XIRP2: variants seen among roughly 807,000 people sequenced by gnomAD.
XIRP2 encodes xin actin binding repeat containing 2.
Under a neutral mutation model 277.0 loss-of-function variants are expected in XIRP2, and 236 were observed. The observed-to-expected ratio is 0.85, with a 90% CI of 0.77 to 0.95. The LOEUF (loss-of-function observed/expected upper bound fraction) is 0.95. XIRP2 is among the 40% of genes least tolerant of loss of function. XIRP2 has a pLI of 0.00. For synonymous variants in XIRP2, 1,490 were observed against 1,416.5 expected, an observed-to-expected ratio of 1.05 and a Z score of -1.17; for missense variants, 4,640 against 4,157.5, an observed-to-expected ratio of 1.12 and a Z score of -3.19.
chr2:167,163,961 A>C (rs1175880002), intron 3 of XIRP2, among the ~76,000 whole-genome samples: 1 of 152,140 alleles, frequency 6.6e-6, no homozygotes, highest in African/African-American at 2.4e-5. Flanking sequence ...AACATAATAC[A>C]TTGTATTCTG....
intron 1 of XIRP2, among the ~76,000 whole-genome samples, chr2:166,891,616 C>T (rs1354855557): frequency 6.6e-6 from 1 of 152,070 alleles, no homozygotes; most frequent in Non-Finnish European, 1.5e-5. Context: ...AAATTTCCCT[C>T]CCAGAAAAGA....
At chr2:167,199,585 A>C (rs1419553075) in intron 3 of XIRP2, among the ~76,000 whole-genome samples, 2 of 152,172 alleles carry the variant, frequency 1.3e-5, no homozygotes, top group African/African-American at 2.4e-5. Context: ...ACCCAGAATT[A>C]AATCACTTTC....
At chr2:167,139,071 A>AGT (rs1558993714) in intron 3 of XIRP2, among the ~76,000 whole-genome samples, 1 of 150,540 alleles carries the variant, frequency 6.6e-6, no homozygotes. Flanking sequence ...TGTCTCAAAA[A>AGT]ATATATATAT....
Position 166,903,774 on chromosome 2 carries a change from G to T in XIRP2, c.292G>T (p.Glu98Ter), listed in dbSNP as rs1243395848. ...ATATGGTCGGCCAGAAGTGCTGAAG[G>T]AGGATTCCCTGAGCAGTCGGCGCAG... ...REYGRPEVLKEDSLSSRRRIE... is the reference protein window; with the variant it reads ...REYGRPEVLK Residue 98 changes from glutamate (E) to a stop codon, truncating the protein, a stop_gained, in exon 2 of 11, where the codon GAG becomes TAG. Coordinates refer to ENST00000409195, the MANE Select transcript of XIRP2 (RefSeq NM_152381.6). LOFTEE classifies it high-confidence loss of function. The T allele has an allele frequency of 6.2e-7, 1 of 1,613,710 alleles. No homozygotes were observed. Among genetic ancestry groups the T allele is most frequent in the South Asian group, 1.1e-5 (1 of 91,082 alleles).
At chr2:166,914,981 A>G (rs189687651) in intron 2 of XIRP2, among the ~76,000 whole-genome samples, 8 of 152,170 alleles carry the variant, frequency 5.3e-5, no homozygotes, top group African/African-American at 1.7e-4. Flanking sequence ...GAAGAAGTTT[A>G]TTTGTTTGTT....
At chr2:167,042,331 A>T (rs1688678500) in intron 2 of XIRP2, among the ~76,000 whole-genome samples, 1 of 152,206 alleles carries the variant, frequency 6.6e-6, no homozygotes, top group Non-Finnish European at 1.5e-5. Flanking sequence ...TCAAATCCTC[A>T]CATACTGACA....
chr2:166,942,956 C>T (rs891064052), intron 2 of XIRP2, among the ~76,000 whole-genome samples: 1 of 151,976 alleles, frequency 6.6e-6, no homozygotes, highest in African/African-American at 2.4e-5. Flanking sequence ...TCAAAATATA[C>T]ATGAATCATC....
rs768960885 is a variant in XIRP2, at chr2:167,245,180, C to T, written c.3788C>T (p.Thr1263Met). 3.7e-5 allele frequency: 59 copies of T among 1,613,110 alleles called. No individual in the cohort carries two copies. Among genetic ancestry groups the T allele is most frequent in the Middle Eastern group, 1.7e-4 (1 of 6,058 alleles). Reference protein sequence around the residue: ...ESQEGDECVKTVTDIQGGDVR... With the variant: ...ESQEGDECVKMVTDIQGGDVR... ...CAAGAAGGTGATGAATGTGTTAAGACGGTGACAGACATACAAGGTGGGGAT... is the reference window on the plus strand; with the variant it reads ...CAAGAAGGTGATGAATGTGTTAAGATGGTGACAGACATACAAGGTGGGGAT... Residue 1263 changes from threonine (T) to methionine (M), a missense_variant, in exon 9 of 11, where the codon ACG becomes ATG. Thr to Met is a moderately conservative substitution (Grantham distance 81). Transcript: ENST00000409195.
chr2:166,921,486 A>G (rs1199901516), intron 2 of XIRP2, among the ~76,000 whole-genome samples: 2 of 152,154 alleles, frequency 1.3e-5, no homozygotes, highest in Non-Finnish European at 2.9e-5. Context: ...CCTAGTTTAC[A>G]TACATCGCTC....
intron 2 of XIRP2, among the ~76,000 whole-genome samples, chr2:167,053,533 T>C (rs758673690): frequency 9.9e-5 from 15 of 152,176 alleles, no homozygotes; most frequent in Non-Finnish European, 1.3e-4. Flanking sequence ...AAATGTCTAA[T>C]GAAAATGGGA....
At chr2:167,165,132 G>A (rs962253759) in intron 3 of XIRP2, among the ~76,000 whole-genome samples, 1 of 152,056 alleles carries the variant, frequency 6.6e-6, no homozygotes, top group Non-Finnish European at 1.5e-5. Context: ...CTTTCATTTA[G>A]TAATATGCAT....
Position 167,249,152 on chromosome 2 carries a change from T to A in XIRP2, c.7760T>A (p.Met2587Lys). 7 of 1,613,694 alleles carry A rather than the reference T, an allele frequency of 4.3e-6. No individual in the cohort carries two copies. The highest frequency in any genetic ancestry group is 5.9e-6 in the Non-Finnish European group (7 of 1,179,790). Residue 2587 changes from methionine to lysine, a missense_variant, in exon 9 of 11, where the codon ATG (methionine) becomes AAG (lysine). Coordinates refer to ENST00000409195, the MANE Select transcript of XIRP2 (RefSeq NM_152381.6). ...NQHITEVEKE[M>K]PLQKTNEEVS... ...CACATAACAGAGGTGGAAAAGGAAA[T>A]GCCATTACAAAAAACCAATGAGGAG...
At chr2:166,913,729 T>C (rs1684782966) in intron 2 of XIRP2, among the ~76,000 whole-genome samples, 1 of 152,140 alleles carries the variant, frequency 6.6e-6, no homozygotes, top group African/African-American at 2.4e-5. Flanking sequence ...CAAAGGGAAA[T>C]AGATACTAGG....
chr2:166,915,702 G>A (rs910764352), intron 2 of XIRP2, among the ~76,000 whole-genome samples: 1 of 152,038 alleles, frequency 6.6e-6, no homozygotes, highest in Non-Finnish European at 1.5e-5. Flanking sequence ...ATGTCTTTTA[G>A]ACTCCAAATG....
At chr2:167,231,909 C>T (rs1694770428) in intron 5 of XIRP2, among the ~76,000 whole-genome samples, 1 of 151,974 alleles carries the variant, frequency 6.6e-6, no homozygotes, top group South Asian at 2.1e-4. Context: ...CCGGTGGCAG[C>T]AACCAGAGTA....
At chr2:166,940,095 A>C (rs1003294526) in intron 2 of XIRP2, among the ~76,000 whole-genome samples, 3 of 152,154 alleles carry the variant, frequency 2.0e-5, no homozygotes, top group African/African-American at 7.2e-5. Flanking sequence ...AGTCAGACTT[A>C]GATTTTTTCT....
At chr2:167,125,650 A>AT (rs1691180188) in intron 2 of XIRP2, among the ~76,000 whole-genome samples, 5 of 152,234 alleles carry the variant, frequency 3.3e-5, no homozygotes, top group Non-Finnish European at 7.3e-5. Flanking sequence ...TTCTTTAAGG[A>AT]CTACATTTCC....
intron 2 of XIRP2, among the ~76,000 whole-genome samples, chr2:166,995,441 G>A (rs1253134467): frequency 6.6e-6 from 1 of 152,164 alleles, no homozygotes; most frequent in Non-Finnish European, 1.5e-5. Flanking sequence ...ATCAGTTAGG[G>A]CTGATGATCA....
At position 167,251,332 on chromosome 2, in the gene XIRP2, G is replaced by T; in HGVS notation, c.9940G>T (p.Ala3314Ser). Residue 3314 changes from alanine to serine, a missense_variant, in exon 9 of 11, where the codon GCG (alanine) becomes TCG (serine). Physicochemically the swap from Ala to Ser is moderately conservative, Grantham distance 99 (BLOSUM62 1). Transcript: ENST00000409195. ...RLSEHTQRYE[A>S]ANRTVQMAEN... ...GTCAGAGCACACACAGAGATATGAA[G>T]CGGCCAACCGAACTGTTCAAATGGC... 6.2e-7 allele frequency: 1 copy of T among 1,613,618 alleles called. No individual in the cohort carries two copies. The highest frequency in any genetic ancestry group is 1.1e-5 in the South Asian group (1 of 91,082).
Sources: allele counts gnomAD v4.1 joint callset (sites outside exome capture counted in the v4.1 genomes callset), GRCh38; gene constraint gnomAD v4.1.1; transcripts MANE v1.5; gene names NCBI Gene and HGNC (gene_info 2026-07-23, HGNC 2026-07-21).